The following NALCN variants were observed in gnomAD, a reference collection of about 807,000 sequenced individuals.
NALCN encodes the protein sodium leak channel NALCN.
Under a neutral mutation model 225.3 loss-of-function variants are expected in NALCN, and 111 were observed. That is an observed-to-expected ratio of 0.49 (90% confidence interval 0.42 to 0.58). The LOEUF (loss-of-function observed/expected upper bound fraction) is 0.58, where lower values mean the gene tolerates loss of function less well. Ranked by LOEUF, NALCN falls within the 20% of genes least tolerant of loss-of-function variation. The pLI is 0.00. For synonymous variants in NALCN, 764 were observed against 769.0 expected, an observed-to-expected ratio of 0.99 and a Z score of 0.11; for missense variants, 1,378 against 2,202.4, an observed-to-expected ratio of 0.63 and a Z score of 7.49.
chr13:101,369,398 A>G (rs575326247), intron 6 of NALCN, among the ~76,000 whole-genome samples: 16 of 152,140 alleles, frequency 1.1e-4, no homozygotes, highest in Non-Finnish European at 1.9e-4. Flanking sequence ...TTTCAGTATC[A>G]TTCTTTTCTT....
intron 6 of NALCN, among the ~76,000 whole-genome samples, chr13:101,353,859 T>C (rs576903316): frequency 6.6e-6 from 1 of 152,214 alleles, no homozygotes; most frequent in African/African-American, 2.4e-5. Context: ...CATGATTTTA[T>C]TTTAAAGGAA....
chr13:101,130,659 A>G (rs2036473222), intron 17 of NALCN, among the ~76,000 whole-genome samples: 1 of 152,198 alleles, frequency 6.6e-6, no homozygotes, highest in African/African-American at 2.4e-5. Flanking sequence ...TGGGCATCCT[A>G]TATATGTTAC....
rs9585607 is a variant in NALCN, at chr13:101,054,945, A to G, written c.*350T>C. On this transcript the variant is annotated 3_prime_UTR_variant, in exon 44 of 44. Coordinates refer to ENST00000251127, the MANE Select transcript of NALCN (RefSeq NM_052867.4). ...AAATATCAGCCACTTTGGGCTTAGC[A>G]CTCTTTTGCGGGGCGGTGATAATAC... The G allele has an allele frequency of 2.5e-3, 492 of 193,176 alleles. No homozygotes were observed. The highest frequency in any genetic ancestry group is 0.011 in the African/African-American group (477 of 43,020). 12.0% of individuals were successfully genotyped at this position (193,176 alleles called of 1,614,324 possible).
intron 15 of NALCN, among the ~76,000 whole-genome samples, chr13:101,164,972 A>C (rs2038368641): frequency 6.6e-6 from 1 of 152,146 alleles, no homozygotes; most frequent in Admixed American, 6.5e-5. Context: ...TGAAATGCAG[A>C]GTTTTTCAAC....
intron 10 of NALCN, 124 bp from the exon 11 acceptor site, chr13:101,258,698 A>C: frequency 7.4e-7 from 1 of 1,351,836 alleles, no homozygotes; most frequent in Non-Finnish European, 1.0e-6. Context: ...GGCTTCCAAG[A>C]TAAAGCCATC....
At chr13:101,301,233 C>T (rs924104754) in intron 7 of NALCN, among the ~76,000 whole-genome samples, 5 of 152,136 alleles carry the variant, frequency 3.3e-5, no homozygotes, top group Non-Finnish European at 5.9e-5. Context: ...GTTCCCAGGA[C>T]GCTCAGTCCA....
At chr13:101,100,221 A>AT (rs1047972766) in intron 27 of NALCN, among the ~76,000 whole-genome samples, 2 of 152,102 alleles carry the variant, frequency 1.3e-5, no homozygotes, top group African/African-American at 4.8e-5. Flanking sequence ...CTTCTTGGAC[A>AT]TTTTTGCATG....
At chr13:101,250,574 A>C (rs978887007) in intron 11 of NALCN, among the ~76,000 whole-genome samples, 8 of 151,986 alleles carry the variant, frequency 5.3e-5, no homozygotes, top group Non-Finnish European at 1.2e-4. Flanking sequence ...GGAAAAAATC[A>C]AGTCCTTATC....
chr13:101,305,591 A>C (rs1180615551), intron 7 of NALCN, among the ~76,000 whole-genome samples: 1 of 152,230 alleles, frequency 6.6e-6, no homozygotes, highest in Non-Finnish European at 1.5e-5. Context: ...TCAAGGTTTT[A>C]ATCTTATTTG....
intron 37 of NALCN, among the ~76,000 whole-genome samples, chr13:101,071,115 G>A (rs917947730): frequency 1.3e-5 from 2 of 152,120 alleles, no homozygotes; most frequent in Non-Finnish European, 2.9e-5. Context: ...TCCCTCCCAC[G>A]ACACATGGAG....
At chr13:101,382,506 C>T (rs1243243624) in intron 3 of NALCN, among the ~76,000 whole-genome samples, 1 of 151,830 alleles carries the variant, frequency 6.6e-6, no homozygotes, top group Non-Finnish European at 1.5e-5. Context: ...AAAATTGGGG[C>T]CTCACCAATT....
At chr13:101,142,031 T>C (rs2037104850) in intron 17 of NALCN, among the ~76,000 whole-genome samples, 1 of 152,110 alleles carries the variant, frequency 6.6e-6, no homozygotes, top group Non-Finnish European at 1.5e-5. Context: ...AGCTGATATA[T>C]ATAGTTTGAT....
rs635491 is a variant in NALCN at position 101,073,711 on chromosome 13, A to G, written c.4104-34T>C. The G allele has an allele frequency of 9.3e-3, 14,464 of 1,561,924 alleles. 1,048 individuals are homozygous for G. The African/African-American group carries it at 0.16, about 18-fold the overall frequency. On this transcript the variant is annotated intron_variant, in intron 36 of 43. Transcript: ENST00000251127. ...AGAAAAAAAAATTAACAGAATGTGA[A>G]TTATAGAAGGGTTTGTCATGAAATA...
intron 18 of NALCN, among the ~76,000 whole-genome samples, chr13:101,115,438 T>C (rs976365134): frequency 1.3e-5 from 2 of 152,138 alleles, no homozygotes; most frequent in African/African-American, 2.4e-5. Context: ...ATAGTCTCCA[T>C]ATACCTCCTC....
intron 1 of NALCN, among the ~76,000 whole-genome samples, chr13:101,404,484 C>A (rs964265198): frequency 1.3e-5 from 2 of 152,192 alleles, no homozygotes; most frequent in East Asian, 1.9e-4. Context: ...AGGGATTCCA[C>A]TTCTAGAGAC....
intron 27 of NALCN, among the ~76,000 whole-genome samples, chr13:101,099,584 A>G (rs971332214): frequency 2.1e-4 from 32 of 152,184 alleles, no homozygotes; most frequent in African/African-American, 7.2e-4. Context: ...TTACTTTATG[A>G]ATTTACTTGT....
Position 101,169,875 on chromosome 13 carries a change from T to C in NALCN, c.1839+6425A>G, listed in dbSNP as rs151270792. Among the ~76,000 whole-genome samples, 632 of 152,376 alleles carry C rather than the reference T, an allele frequency of 4.1e-3. 6 individuals carry two copies. Among genetic ancestry groups the C allele is most frequent in the African/African-American group, 0.014 (599 of 41,594 alleles). ...GTTCTCAATAGATAGCATTTGCTCC[T>C]GCAGCAGTTATATCAGTCTTTTAAA... On this transcript the variant is annotated intron_variant, in intron 15 of 43. Transcript: ENST00000251127.
In NALCN at chr13:101,387,003, T is replaced by C. The variant is rs535182170; in HGVS notation, c.291+8180A>G. The stretch of plus-strand genomic sequence containing the variant: ...TTGGGAGGCCGAGGCGGGTGGATCA[T>C]GAGGTCAGGAGATCGAGACCATCCT... On this transcript the variant is annotated intron_variant, in intron 3 of 43. Coordinates refer to ENST00000251127, the MANE Select transcript of NALCN (RefSeq NM_052867.4). Among the ~76,000 whole-genome samples, 13 of 151,522 alleles carry C rather than the reference T, an allele frequency of 8.6e-5. No individual in the cohort carries two copies. The South Asian group carries it at 2.3e-3, about 27-fold the overall frequency.
At chr13:101,369,071 G>A in intron 6 of NALCN, 1 of 305,560 alleles carries the variant, frequency 3.3e-6, no homozygotes, top group East Asian at 1.1e-4. Flanking sequence ...AGCTATAACA[G>A]TTGTGATTAT....
Sources: gnomAD v4.1 joint callset for allele counts (sites outside exome capture counted in the v4.1 genomes callset) on GRCh38, gnomAD v4.1.1 for gene constraint, MANE v1.5 for transcripts, NCBI Gene and HGNC (gene_info 2026-07-23, HGNC 2026-07-21) for gene names.